The following TMEM175 variants were observed in gnomAD, a reference collection of about 807,000 sequenced individuals.
TMEM175 encodes endosomal/lysosomal proton channel TMEM175.
Under a neutral mutation model 36.5 loss-of-function variants are expected in TMEM175, and 36 were observed. That is an observed-to-expected ratio of 0.99 (90% confidence interval 0.76 to 1.30). The LOEUF (loss-of-function observed/expected upper bound fraction) is 1.30. Among genes scored for constraint, TMEM175 ranks in the 50% most tolerant of loss-of-function variants. The probability of loss-of-function intolerance (pLI) is 0.00; values close to 1 mark genes in which losing one functional copy is unlikely to be tolerated. For missense variants in TMEM175, 705 were observed against 692.8 expected, an observed-to-expected ratio of 1.02 and a Z score of -0.20; for synonymous variants, 339 against 313.4, an observed-to-expected ratio of 1.08 and a Z score of -0.86.
intron 3 of TMEM175, among the ~76,000 whole-genome samples, chr4:949,339 T>C (rs1287787967): frequency 6.6e-6 from 1 of 152,228 alleles, no homozygotes; most frequent in Non-Finnish European, 1.5e-5. Context: ...CTTTTCTCTG[T>C]TGTCCTAACT....
At chr4:947,483 C>G (rs972131824) in intron 1 of TMEM175, among the ~76,000 whole-genome samples, 2 of 152,210 alleles carry the variant, frequency 1.3e-5, no homozygotes, top group Admixed American at 1.3e-4. Flanking sequence ...GATCAGTGTT[C>G]ACCAGTAACA....
At chr4:951,006 G>T (rs948365896) in intron 4 of TMEM175, among the ~76,000 whole-genome samples, 1 of 151,962 alleles carries the variant, frequency 6.6e-6, no homozygotes, top group African/African-American at 2.4e-5. Flanking sequence ...GGTGCAGGGT[G>T]TGGATGGGAG....
chr4:957,749 G>C (rs1393242332), intron 10 of TMEM175, 75 bp from the exon 11 acceptor site: 9 of 1,460,122 alleles, frequency 6.2e-6, no homozygotes, highest in Non-Finnish European at 7.4e-6. Context: ...AGCCCTGACA[G>C]GCGCTCAGCC....
chr4:950,755 AGGTGTGGAC>A (rs1408765436), intron 4 of TMEM175, among the ~76,000 whole-genome samples: 524 of 131,692 alleles, frequency 4.0e-3, no homozygotes, highest in African/African-American at 6.3e-3. Flanking sequence ...CAATAGGTGG[AGGTGTGGAC>A]GGTGTGGATG....
At chr4:934,450 G>T (rs1726576035) in intron 1 of TMEM175, among the ~76,000 whole-genome samples, 1 of 152,186 alleles carries the variant, frequency 6.6e-6, no homozygotes, top group South Asian at 2.1e-4. Flanking sequence ...GAAGATATGT[G>T]TTGGATTTAT....
Position 949,527 on chromosome 4 carries a change from TA to T in TMEM175, c.193-890del, listed in dbSNP as rs1728598200. Among the ~76,000 whole-genome samples the T allele has an allele frequency of 2.6e-5, 4 of 152,224 alleles. No individual in the cohort carries two copies. In the South Asian group the frequency reaches 8.3e-4, roughly 32 times the overall value. On this transcript the variant is annotated intron_variant, in intron 3 of 10. Coordinates refer to ENST00000264771, the MANE Select transcript of TMEM175 (RefSeq NM_032326.4). ...GGGCTGTGCTCACTCTGATGAAAAA[TA>T]AAAGACAGTTGTAACTTTGAAAACC... is the stretch of plus-strand genomic sequence containing the variant.
At chr4:954,527 G>A (rs1379395518) in intron 8 of TMEM175, among the ~76,000 whole-genome samples, 1 of 152,120 alleles carries the variant, frequency 6.6e-6, no homozygotes, top group Non-Finnish European at 1.5e-5. Context: ...TAGCTGCCGT[G>A]AGTGGCGCCG....
At chr4:952,243 T>A (rs538472715) in intron 6 of TMEM175, 124 bp from the exon 7 acceptor site, 2 of 833,446 alleles carry the variant, frequency 2.4e-6, no homozygotes, top group South Asian at 3.0e-5. Context: ...CGCCATCCTG[T>A]GATGGCCCCA....
chr4:958,040 T>G lies in TMEM175; in HGVS notation c.1059T>G (p.Gly353=). 1 of 1,611,228 alleles carries G rather than the reference T, an allele frequency of 6.2e-7. No homozygotes were observed. The highest frequency in any genetic ancestry group is 1.1e-5 in the South Asian group (1 of 91,034). ...LLNTLSLAFV[G]GLPLAYQQTS... Reference sequence around the variant, plus strand: ...ACACGCTCTCGCTGGCCTTCGTGGGTGGCCTCCCACTAGCCTACCAGCAGA... The same window carrying G: ...ACACGCTCTCGCTGGCCTTCGTGGGGGGCCTCCCACTAGCCTACCAGCAGA... The change falls in exon 11 of 11, where the codon GGT becomes GGG. Residue 353 remains glycine, a synonymous_variant. Coordinates refer to ENST00000264771, the MANE Select transcript of TMEM175 (RefSeq NM_032326.4).
intron 1 of TMEM175, among the ~76,000 whole-genome samples, chr4:941,232 T>C (rs1392604348): frequency 1.3e-5 from 2 of 149,320 alleles, no homozygotes; most frequent in South Asian, 2.1e-4. Context: ...AAAAATTAGC[T>C]GGGTGTTATG....
At position 955,463 on chromosome 4, in the gene TMEM175, G is replaced by C. The variant is rs755757662; in HGVS notation, c.686G>C (p.Trp229Ser). ...LLPYVSKVTG[W>S]CRDRLLGHRE... The stretch of plus-strand genomic sequence containing the variant: ...CCCTATGTCAGCAAGGTCACCGGCT[G>C]GTGCAGAGACAGGCTCCTGGGTAGG... The change falls in exon 9 of 11, where the codon TGG becomes TCG. Residue 229 changes from tryptophan (W) to serine (S), a missense_variant. Coordinates refer to ENST00000264771, the MANE Select transcript of TMEM175 (RefSeq NM_032326.4). 1.9e-6 allele frequency: 3 copies of C among 1,614,158 alleles called. No individual in the cohort carries two copies. Among genetic ancestry groups the C allele is most frequent in the East Asian group, 2.2e-5 (1 of 44,880 alleles).
chr4:948,072 CGTCTCTTGCTCTCCTGCTTCCTTCT>C lies in TMEM175; in HGVS notation c.154-36_154-12del, dbSNP rs754136744. 6.2e-7 allele frequency: 1 copy of C among 1,614,074 alleles called. No individual in the cohort carries two copies. Among genetic ancestry groups the C allele is most frequent in the Non-Finnish European group, 8.5e-7 (1 of 1,179,994 alleles). On this transcript the variant is annotated intron_variant, in intron 2 of 10. Transcript: ENST00000264771. ...GTACTGCCACACCCAATCCAACAAG[CGTCTCTTGCTCTCCTGCTTCCTTCT>C]GTCTCTTTGCCCCCTCAGATCCTGC...
intron 7 of TMEM175, among the ~76,000 whole-genome samples, 182 bp downstream of exon 7, chr4:952,632 G>C (rs1412635955): frequency 2.1e-5 from 1 of 47,888 alleles, no homozygotes; most frequent in Non-Finnish European, 4.2e-5. Flanking sequence ...CCTGTGCTGT[G>C]TGTGTGTGTG....
At chr4:956,059 A>G (rs1460166101) in intron 10 of TMEM175, 169 bp downstream of exon 10, 7 of 849,652 alleles carry the variant, frequency 8.2e-6, no homozygotes, top group Non-Finnish European at 1.2e-5. Flanking sequence ...AGGGAGGACA[A>G]CCTTCCCGGC....
At position 955,442 on chromosome 4, in the gene TMEM175, A is replaced by G. The variant is rs140702578; in HGVS notation, c.665A>G (p.Tyr222Cys). Residue 222 changes from tyrosine to cysteine, a missense_variant, in exon 9 of 11, where the codon TAT becomes TGT. By Grantham distance (194) the Tyr-to-Cys change is radical. Coordinates refer to ENST00000264771, the MANE Select transcript of TMEM175 (RefSeq NM_032326.4). ...ATGGTGACTGTCATCCTCCTCCCCT[A>G]TGTCAGCAAGGTCACCGGCTGGTGC... The part of the protein sequence containing the change: ...LLMVTVILLP[Y>C]VSKVTGWCRD... 211 of 1,613,818 alleles carry G rather than the reference A, an allele frequency of 1.3e-4. No individual in the cohort carries two copies. Among genetic ancestry groups the G allele is most frequent in the East Asian group, 6.7e-4 (30 of 44,876 alleles).
chr4:949,114 C>T (rs555896563), intron 3 of TMEM175, among the ~76,000 whole-genome samples: 1 of 152,248 alleles, frequency 6.6e-6, no homozygotes, highest in South Asian at 2.1e-4. Flanking sequence ...ATGGGGTGGG[C>T]TTGGCCAAAT....
chr4:935,224 C>T (rs1454190643), intron 1 of TMEM175, among the ~76,000 whole-genome samples: 1 of 152,160 alleles, frequency 6.6e-6, no homozygotes, highest in Non-Finnish European at 1.5e-5. Flanking sequence ...TTCTGGAGCA[C>T]CTTTATTTAT....
rs148498294 is a variant in TMEM175, at chr4:950,406, G to A, written c.193-15G>A. 1.2e-6 allele frequency: 2 copies of A among 1,601,468 alleles called. No homozygotes were observed. The highest frequency in any genetic ancestry group is 1.7e-6 in the Non-Finnish European group (2 of 1,168,514). ...ATGTCACCTGGGCTCTGACAGCAGT[G>A]CTCTTGTATTCCAGCAGTTCGACAG... On this transcript the variant is annotated splice_polypyrimidine_tract_variant and intron_variant, in intron 3 of 10. Transcript: ENST00000264771.
At chr4:957,636 G>A (rs750094655) in intron 10 of TMEM175, among the ~76,000 whole-genome samples, 188 bp from the exon 11 acceptor site, 2 of 152,270 alleles carry the variant, frequency 1.3e-5, no homozygotes, top group African/African-American at 2.4e-5. Flanking sequence ...CAGATGAACA[G>A]CACGTAACAG....
Sources: gnomAD v4.1 joint callset for allele counts (sites outside exome capture counted in the v4.1 genomes callset) on GRCh38, gnomAD v4.1.1 for gene constraint, MANE v1.5 for transcripts, NCBI Gene and HGNC (gene_info 2026-07-23, HGNC 2026-07-21) for gene names.